Variants in TLL2 observed in about 807,000 individuals in gnomAD.
TLL2 encodes the protein tolloid like 2.
TLL2 carries 106 observed loss-of-function variants against 123.0 expected under a neutral mutation model. That is an observed-to-expected ratio of 0.86 (90% CI 0.74 to 1.01). TLL2 has a LOEUF of 1.01. Ranked by LOEUF, TLL2 falls within the 50% of genes least tolerant of loss-of-function variation. TLL2 has a pLI of 0.00. For synonymous variants in TLL2, 494 were observed against 516.8 expected (o/e 0.96, Z 0.60); for missense variants, 1,332 against 1,336.7 (o/e 1.00, Z 0.06).
chr10:96,479,700 G>A (rs1421989659), intron 2 of TLL2, among the ~76,000 whole-genome samples: 1 of 152,366 alleles, frequency 6.6e-6, no homozygotes, highest in South Asian at 2.1e-4. Context: ...CCAAGCTCAT[G>A]AGTTCAACAG....
intron 1 of TLL2, among the ~76,000 whole-genome samples, chr10:96,483,226 A>T (rs1278764801): frequency 6.6e-6 from 1 of 152,214 alleles, no homozygotes; most frequent in Non-Finnish European, 1.5e-5. Flanking sequence ...TGAAGGGCAT[A>T]TTCTCTGATG....
intron 1 of TLL2, among the ~76,000 whole-genome samples, chr10:96,488,575 C>A (rs1402187145): frequency 6.6e-6 from 1 of 152,192 alleles, no homozygotes; most frequent in Non-Finnish European, 1.5e-5. Context: ...TCAGAGGGGA[C>A]ACAGCCCATA....
intron 1 of TLL2, among the ~76,000 whole-genome samples, chr10:96,491,024 G>A (rs1405149218): frequency 1.3e-5 from 2 of 152,208 alleles, no homozygotes; most frequent in East Asian, 1.9e-4. Flanking sequence ...AGTGAAGAGG[G>A]TAGGCAGGGC....
chr10:96,417,406 G>A (rs1317857472), intron 7 of TLL2, among the ~76,000 whole-genome samples: 1 of 152,236 alleles, frequency 6.6e-6, no homozygotes, highest in African/African-American at 2.4e-5. Flanking sequence ...CTCTGGGGCA[G>A]AGGTGACAAG....
chr10:96,375,718 C>T (rs935519293), intron 18 of TLL2, among the ~76,000 whole-genome samples: 4 of 152,178 alleles, frequency 2.6e-5, no homozygotes, highest in Non-Finnish European at 5.9e-5. Flanking sequence ...GCCTCTTCTG[C>T]TCCTCACTCA....
intron 10 of TLL2, among the ~76,000 whole-genome samples, chr10:96,401,155 C>G (rs1368256114): frequency 6.6e-6 from 1 of 152,136 alleles, no homozygotes. Flanking sequence ...CAAGTGGGCT[C>G]CATGGGGAGT....
chr10:96,473,048 G>GCT (rs564970356), intron 2 of TLL2, among the ~76,000 whole-genome samples: 10 of 151,610 alleles, frequency 6.6e-5, no homozygotes, highest in African/African-American at 2.4e-4. Context: ...GGTTCCATCA[G>GCT]CCCCCCCCAA....
chr10:96,487,881 C>T lies in TLL2; in HGVS notation c.176-7422G>A, dbSNP rs182096027. ...CGCCATGACAACAGGCTCCCATGTA[C>T]ATTTCACTTGTGAAATCCCATTTTA... On this transcript the variant is annotated intron_variant, in intron 1 of 20. Transcript: ENST00000357947. Among the ~76,000 whole-genome samples, 41 of 152,236 alleles carry T rather than the reference C, an allele frequency of 2.7e-4. 1 individual carries two copies. In the East Asian group the frequency reaches 7.7e-3, roughly 29 times the overall value.
intron 11 of TLL2, 122 bp downstream of exon 11, chr10:96,397,064 G>A: frequency 1.2e-6 from 1 of 808,314 alleles, no homozygotes; most frequent in Non-Finnish European, 1.9e-6. Flanking sequence ...CCCCTGTGGT[G>A]GCTGCCCCCA....
chr10:96,470,564 C>A (rs1249554199), intron 2 of TLL2, among the ~76,000 whole-genome samples: 3 of 152,218 alleles, frequency 2.0e-5, no homozygotes, highest in Admixed American at 1.3e-4. Context: ...CCCAGCACCT[C>A]TCTAGGGGAG....
intron 1 of TLL2, among the ~76,000 whole-genome samples, chr10:96,511,294 G>C (rs1336141673): frequency 6.6e-6 from 1 of 152,278 alleles, no homozygotes; most frequent in Non-Finnish European, 1.5e-5. Context: ...CTGATGAACT[G>C]CTTGCTGGCC....
intron 1 of TLL2, among the ~76,000 whole-genome samples, chr10:96,507,103 G>A (rs1033715204): frequency 3.3e-5 from 5 of 152,006 alleles, no homozygotes; most frequent in African/African-American, 9.7e-5. Flanking sequence ...GGCCTGATAC[G>A]TCTTCCTTCC....
chr10:96,475,030 A>T (rs1176648775), intron 2 of TLL2, among the ~76,000 whole-genome samples: 2 of 152,236 alleles, frequency 1.3e-5, no homozygotes. Flanking sequence ...TCTCATCTCA[A>T]GATCCTTAAC....
intron 7 of TLL2, among the ~76,000 whole-genome samples, chr10:96,420,694 G>A (rs923695899): frequency 6.6e-6 from 1 of 152,164 alleles, no homozygotes; most frequent in African/African-American, 2.4e-5. Context: ...CCAACCTCTC[G>A]ATAATTTCCC....
At chr10:96,420,098 C>A (rs1212566070) in intron 7 of TLL2, among the ~76,000 whole-genome samples, 1 of 152,088 alleles carries the variant, frequency 6.6e-6, no homozygotes, top group African/African-American at 2.4e-5. Flanking sequence ...TTGGAAGTCA[C>A]CACAGATCCT....
chr10:96,502,795 G>A (rs961847832), intron 1 of TLL2, among the ~76,000 whole-genome samples: 2 of 152,230 alleles, frequency 1.3e-5, no homozygotes, highest in Non-Finnish European at 2.9e-5. Flanking sequence ...AGTAACCTGG[G>A]TGGGAGGCAG....
chr10:96,421,102 C>T, intron 6 of TLL2, 41 bp from the exon 7 acceptor site: 3 of 1,534,018 alleles, frequency 2.0e-6, no homozygotes, highest in Non-Finnish European at 2.7e-6. Flanking sequence ...AAAACCAAGT[C>T]AGGCACCTGA....
At chr10:96,470,277 A>G (rs1448184559) in intron 2 of TLL2, among the ~76,000 whole-genome samples, 2 of 152,190 alleles carry the variant, frequency 1.3e-5, no homozygotes. Context: ...GGCATCACAC[A>G]TTCAAACAAT....
At position 96,365,848 on chromosome 10, in the gene TLL2, C is replaced by T. The variant is rs531839202; in HGVS notation, c.*2240G>A. The T allele has an allele frequency of 6.6e-5, 10 of 152,238 alleles. No individual in the cohort carries two copies. The highest frequency in any genetic ancestry group is 2.4e-4 in the African/African-American group (10 of 41,540). The allele number at this position is 152,238 out of a possible 1,614,324, so 9.4% of individuals were successfully genotyped here. On this transcript the variant is annotated 3_prime_UTR_variant, in exon 21 of 21. Transcript: ENST00000357947. Reference sequence around the variant, plus strand: ...TAAATAAAGGTTTTTCATAAGAGTCCCATTGTTGCAAATTGGCCATATGGT... The same window carrying T: ...TAAATAAAGGTTTTTCATAAGAGTCTCATTGTTGCAAATTGGCCATATGGT...
Sources: gnomAD v4.1 joint callset for allele counts (sites outside exome capture counted in the v4.1 genomes callset) on GRCh38, gnomAD v4.1.1 for gene constraint, MANE v1.5 for transcripts, NCBI Gene and HGNC (gene_info 2026-07-23, HGNC 2026-07-21) for gene names.